Variants in ALPK3 observed in about 807,000 individuals in gnomAD.
ALPK3 encodes alpha-protein kinase 3.
ALPK3 carries 102 observed loss-of-function variants against 140.0 expected under a neutral mutation model. That is an observed-to-expected ratio of 0.73 (90% CI 0.62 to 0.86). The LOEUF (loss-of-function observed/expected upper bound fraction) is 0.86, where lower values mean the gene tolerates loss of function less well. Ranked by LOEUF, ALPK3 falls within the 40% of genes least tolerant of loss-of-function variation. The pLI, the probability that ALPK3 is intolerant of heterozygous loss-of-function variation, is 0.00. For synonymous variants in ALPK3, 938 were observed against 898.5 expected, an observed-to-expected ratio of 1.04 and a Z score of -0.79; for missense variants, 2,254 against 2,208.2, an observed-to-expected ratio of 1.02 and a Z score of -0.42.
At position 84,840,558 on chromosome 15, in the gene ALPK3, A is replaced by T. The variant is rs771706498; in HGVS notation, c.1279A>T (p.Arg427Trp). The T allele has an allele frequency of 3.9e-5, 62 of 1,590,298 alleles. No individual in the cohort carries two copies. The highest frequency in any genetic ancestry group is 5.0e-5 in the Non-Finnish European group (59 of 1,169,892). Reference protein sequence around the residue: ...DMYLENTQAVRPLGEEGPQTL... With the variant: ...DMYLENTQAVWPLGEEGPQTL... ...GTACCTGGAGAACACCCAGGCAGTC[A>T]GGCCTCTTGGGGAAGAGGGACCCCA... The change falls in exon 5 of 14, where the codon AGG (arginine) becomes TGG (tryptophan). Residue 427 changes from arginine (R) to tryptophan (W), a missense_variant. Transcript: ENST00000258888.
At chr15:84,843,059 G>A (rs28477805) in intron 5 of ALPK3, among the ~76,000 whole-genome samples, 11,201 of 152,302 alleles carry the variant, frequency 0.074, 423 homozygotes, top group East Asian at 0.083. Context: ...TCCTGGTAGG[G>A]CCAGAGGAGG....
intron 9 of ALPK3, among the ~76,000 whole-genome samples, chr15:84,861,448 T>C (rs1015790952): frequency 1.3e-5 from 2 of 151,718 alleles, no homozygotes; most frequent in Admixed American, 1.3e-4. Context: ...TACTGTCAGA[T>C]TGTTTCACTT....
chr15:84,864,607 C>G lies in ALPK3; in HGVS notation c.4665C>G (p.Thr1555=), dbSNP rs1260589804. Residue 1555 remains threonine, a synonymous_variant, in exon 12 of 14, where the codon ACC becomes ACG. Transcript: ENST00000258888. ...CTGAGGCCATGCAGAAATGCCAGAC[C>G]TTCCAACACTGGCTGTATCAGTGGA... The part of the protein sequence containing the change: ...GSSEAMQKCQ[T]FQHWLYQWTN... 1 of 1,614,208 alleles carries G rather than the reference C, an allele frequency of 6.2e-7. No homozygotes were observed.
Position 84,827,477 on chromosome 15 carries a change from C to G in ALPK3, c.183-7C>G, listed in dbSNP as rs776222376. ...GCCAGCTCTGAATAGCTCTTTGCCTCTCTTAGGAGCACCTTCTGCTCCATC... is the reference window on the plus strand; with the variant it reads ...GCCAGCTCTGAATAGCTCTTTGCCTGTCTTAGGAGCACCTTCTGCTCCATC... On this transcript the variant is annotated splice_polypyrimidine_tract_variant and splice_region_variant and intron_variant, in intron 2 of 13. Transcript: ENST00000258888. 9.9e-6 allele frequency: 16 copies of G among 1,614,078 alleles called. No individual in the cohort carries two copies. Among genetic ancestry groups the G allele is most frequent in the African/African-American group, 1.3e-5 (1 of 75,076 alleles).
intron 3 of ALPK3, among the ~76,000 whole-genome samples, chr15:84,832,756 G>C (rs975679656): frequency 1.3e-5 from 2 of 152,182 alleles, no homozygotes; most frequent in East Asian, 3.9e-4. Context: ...GACAAAACCA[G>C]TACCTTTTCC....
At chr15:84,833,582 A>G (rs1389441639) in intron 3 of ALPK3, among the ~76,000 whole-genome samples, 3 of 151,870 alleles carry the variant, frequency 2.0e-5, no homozygotes, top group African/African-American at 7.3e-5. Flanking sequence ...CCATACGTGC[A>G]CTCTTCCTTC....
Position 84,863,586 on chromosome 15 carries a change from G to A in ALPK3, c.4445G>A (p.Cys1482Tyr). 1.2e-6 allele frequency: 2 copies of A among 1,614,078 alleles called. No homozygotes were observed. Among genetic ancestry groups the A allele is most frequent in the Admixed American group, 1.7e-5 (1 of 60,020 alleles). The change falls in exon 11 of 14, where the codon TGC becomes TAC. Residue 1482 changes from cysteine (C) to tyrosine (Y), a missense_variant. By Grantham distance (194) the Cys-to-Tyr change is radical. Transcript: ENST00000258888. ...ATCCAGAACATGAGTCGGGAGTACT[G>A]CAAAATCTTCGCAGCAGAAGCCCGG... is the stretch of plus-strand genomic sequence containing the variant. ...CKIQNMSREY[C>Y]KIFAAEARAA...
intron 9 of ALPK3, 75 bp from the exon 10 acceptor site, chr15:84,862,560 T>C (rs1963959123): frequency 6.6e-7 from 1 of 1,511,186 alleles, no homozygotes. Context: ...TCTTCTGGCC[T>C]TTTCCTTCCC....
Position 84,865,928 on chromosome 15 carries a change from G to A in ALPK3, c.4723+1263G>A, listed in dbSNP as rs187348484. Among the ~76,000 whole-genome samples, 420 of 152,266 alleles carry A rather than the reference G, an allele frequency of 2.8e-3. 2 individuals are homozygous for A. The highest frequency in any genetic ancestry group is 4.6e-3 in the Non-Finnish European group (311 of 68,014). ...TGCACTCCAGCCTGGGCAACAGAGTGAGACTCCATCTCAAAAAAATAATAA... is the reference window on the plus strand; with the variant it reads ...TGCACTCCAGCCTGGGCAACAGAGTAAGACTCCATCTCAAAAAAATAATAA... On this transcript the variant is annotated intron_variant, in intron 12 of 13. Coordinates refer to ENST00000258888, the MANE Select transcript of ALPK3 (RefSeq NM_020778.5).
At chr15:84,840,981 C>T in intron 5 of ALPK3, 49 bp downstream of exon 5, 1 of 1,504,990 alleles carries the variant, frequency 6.6e-7, no homozygotes, top group Non-Finnish European at 8.8e-7. Flanking sequence ...AAGCTGACCT[C>T]ATGGAAACTC....
intron 5 of ALPK3, among the ~76,000 whole-genome samples, chr15:84,850,245 A>G (rs956015859): frequency 6.6e-6 from 1 of 152,226 alleles, no homozygotes; most frequent in African/African-American, 2.4e-5. Context: ...TGCTCTTCCA[A>G]ACCAGCATTC....
In ALPK3 at chr15:84,856,910, T is replaced by G. The variant is rs976322641; in HGVS notation, c.2172T>G (p.Ser724=). ...GSAPTAMEGQ[S]EQEVATSLGP... ...CGCCCACAGCCATGGAAGGTCAGTCTGAGCAAGAGGTGGCAACCAGCCTCG... is the reference window on the plus strand; with the variant it reads ...CGCCCACAGCCATGGAAGGTCAGTCGGAGCAAGAGGTGGCAACCAGCCTCG... The change falls in exon 6 of 14, where the codon TCT becomes TCG. Residue 724 remains serine, a synonymous_variant. Coordinates refer to ENST00000258888, the MANE Select transcript of ALPK3 (RefSeq NM_020778.5). 3.1e-6 allele frequency: 5 copies of G among 1,614,048 alleles called. No homozygotes were observed. The highest frequency in any genetic ancestry group is 1.6e-4 in the Middle Eastern group (1 of 6,062).
intron 1 of ALPK3, among the ~76,000 whole-genome samples, chr15:84,821,998 C>T (rs1041951806): frequency 4.6e-5 from 7 of 152,112 alleles, no homozygotes; most frequent in African/African-American, 1.7e-4. Flanking sequence ...AATCTGGTTG[C>T]AGCGGGAGTG....
At chr15:84,866,626 C>T (rs149252579) in intron 12 of ALPK3, among the ~76,000 whole-genome samples, 1 of 152,232 alleles carries the variant, frequency 6.6e-6, no homozygotes, top group South Asian at 2.1e-4. Context: ...CGTTTTTTCT[C>T]TATCATCATT....
chr15:84,828,986 A>G (rs1488384088), intron 3 of ALPK3, among the ~76,000 whole-genome samples: 1 of 152,246 alleles, frequency 6.6e-6, no homozygotes, highest in Admixed American at 6.5e-5. Context: ...CTCTATTTAG[A>G]AAGTCCTTAA....
chr15:84,861,267 A>G (rs1963942677), intron 9 of ALPK3, among the ~76,000 whole-genome samples: 1 of 152,140 alleles, frequency 6.6e-6, no homozygotes, highest in Non-Finnish European at 1.5e-5. Context: ...AATTTCTAAC[A>G]TTCTGGATTT....
At chr15:84,843,780 A>G (rs1418112513) in intron 5 of ALPK3, among the ~76,000 whole-genome samples, 1 of 152,242 alleles carries the variant, frequency 6.6e-6, no homozygotes, top group Non-Finnish European at 1.5e-5. Flanking sequence ...AAATGAAGAT[A>G]AGTCCACAGA....
At chr15:84,838,455 G>A (rs1202238110) in intron 3 of ALPK3, among the ~76,000 whole-genome samples, 1 of 152,064 alleles carries the variant, frequency 6.6e-6, no homozygotes, top group Admixed American at 6.5e-5. Flanking sequence ...AAGGGGAATT[G>A]TTTTCAGCTT....
At position 84,873,221 on chromosome 15, in the gene ALPK3, G is replaced by C. The variant is rs1964096003; in HGVS notation, c.*4765G>C. Reference sequence around the variant, plus strand: ...AGCTCATCTTCTGGGTCCTGCCAGAGGGCAGTGAGGGGGTTGATGGGCTGG... The same window carrying C: ...AGCTCATCTTCTGGGTCCTGCCAGACGGCAGTGAGGGGGTTGATGGGCTGG... On this transcript the variant is annotated 3_prime_UTR_variant, in exon 14 of 14. Transcript: ENST00000258888. The C allele has an allele frequency of 6.6e-6, 1 of 152,240 alleles. No individual in the cohort carries two copies. Among genetic ancestry groups the C allele is most frequent in the South Asian group, 2.1e-4 (1 of 4,834 alleles). The allele number at this position is 152,240 out of a possible 1,614,324, so 9.4% of individuals were successfully genotyped here. A position where few individuals can be genotyped will look rare whatever the true frequency, so the allele number is the denominator to read the frequency against.
Sources: gnomAD v4.1 joint callset for allele counts (sites outside exome capture counted in the v4.1 genomes callset) on GRCh38, gnomAD v4.1.1 for gene constraint, MANE v1.5 for transcripts, NCBI Gene and HGNC (gene_info 2026-07-23, HGNC 2026-07-21) for gene names.